The following DOCK3 variants were observed in gnomAD, a reference collection of about 807,000 sequenced individuals.
DOCK3 encodes the protein dedicator of cytokinesis 3.
A neutral mutation model predicts 265.6 loss-of-function variants in DOCK3; 60 were observed. The ratio of observed to expected loss-of-function variants is 0.23; its 90% confidence interval spans 0.18 to 0.28. The LOEUF (loss-of-function observed/expected upper bound fraction) is 0.28, where lower values mean the gene tolerates loss of function less well. Ranked by LOEUF, DOCK3 falls within the 10% of genes least tolerant of loss-of-function variation. The pLI is 1.00. For synonymous variants in DOCK3, 881 were observed against 938.0 expected (o/e 0.94, Z 1.11); for missense variants, 1,981 against 2,594.3 (o/e 0.76, Z 5.14).
At chr3:51,104,684 G>A (rs1332035512) in intron 9 of DOCK3, among the ~76,000 whole-genome samples, 1 of 152,200 alleles carries the variant, frequency 6.6e-6, no homozygotes, top group African/African-American at 2.4e-5. Context: ...ATTTACTTTA[G>A]TAAACACTTA....
intron 4 of DOCK3, chr3:50,893,178 G>A (rs966567671): frequency 9.5e-6 from 2 of 210,762 alleles, no homozygotes; most frequent in Admixed American, 6.2e-5. Flanking sequence ...AAATGTGCAG[G>A]CCCCAAAGCA....
chr3:51,039,366 T>G (rs1434518545), intron 5 of DOCK3, among the ~76,000 whole-genome samples: 1 of 152,126 alleles, frequency 6.6e-6, no homozygotes, highest in African/African-American at 2.4e-5. Context: ...ATAAACATCC[T>G]TATAAATAAA....
At chr3:51,186,450 C>T (rs2087608803) in intron 12 of DOCK3, among the ~76,000 whole-genome samples, 1 of 152,148 alleles carries the variant, frequency 6.6e-6, no homozygotes, top group Non-Finnish European at 1.5e-5. Flanking sequence ...CGCAGCCTAA[C>T]AATGCAATAG....
intron 3 of DOCK3, among the ~76,000 whole-genome samples, chr3:50,874,934 A>G (rs2047628311): frequency 6.6e-6 from 1 of 152,196 alleles, no homozygotes; most frequent in African/African-American, 2.4e-5. Context: ...GCTGGAAGCC[A>G]TCATTCTTAG....
intron 3 of DOCK3, among the ~76,000 whole-genome samples, chr3:50,879,902 G>A (rs547809702): frequency 1.3e-5 from 2 of 152,252 alleles, no homozygotes; most frequent in Middle Eastern, 3.4e-3. Context: ...CTCAGCAAAT[G>A]TAAAAGAATA....
chr3:50,889,739 G>A (rs573620541), intron 3 of DOCK3, among the ~76,000 whole-genome samples: 4 of 151,992 alleles, frequency 2.6e-5, no homozygotes, highest in Non-Finnish European at 5.9e-5. Flanking sequence ...AGAGTGAATT[G>A]ATGGACCATC....
intron 27 of DOCK3, 135 bp downstream of exon 27, chr3:51,280,339 C>A: frequency 1.2e-6 from 1 of 824,842 alleles, no homozygotes; most frequent in Non-Finnish European, 1.9e-6. Context: ...CCCTGCTTTA[C>A]AGCTGAGTGT....
intron 5 of DOCK3, among the ~76,000 whole-genome samples, chr3:50,982,054 G>T (rs1426691931): frequency 1.3e-5 from 2 of 151,966 alleles, no homozygotes; most frequent in Non-Finnish European, 2.9e-5. Flanking sequence ...TCACTGTGTT[G>T]GCCAGGCTGA....
At chr3:50,676,770 T>A (rs1364293841) in intron 1 of DOCK3, among the ~76,000 whole-genome samples, 1 of 152,062 alleles carries the variant, frequency 6.6e-6, no homozygotes, top group Non-Finnish European at 1.5e-5. Flanking sequence ...GAATTCAGAG[T>A]CCTAGCTTCT....
intron 1 of DOCK3, among the ~76,000 whole-genome samples, chr3:50,767,899 C>T (rs1385414426): frequency 1.6e-5 from 1 of 61,048 alleles, no homozygotes; most frequent in Non-Finnish European, 3.1e-5. Flanking sequence ...TGGGAGTTCA[C>T]TCATGATTTG....
intron 27 of DOCK3, among the ~76,000 whole-genome samples, chr3:51,287,669 C>T (rs533060535): frequency 1.2e-4 from 18 of 152,238 alleles, no homozygotes; most frequent in Non-Finnish European, 1.6e-4. Flanking sequence ...GAAGAGGGAA[C>T]ACTTATACAC....
chr3:51,357,247 A>G, intron 44 of DOCK3, 106 bp downstream of exon 44: 1 of 1,280,444 alleles, frequency 7.8e-7, no homozygotes, highest in East Asian at 2.4e-5. Flanking sequence ...CCTTCCCTAC[A>G]TGCCCTCTCT....
chr3:50,881,574 C>T (rs541624854), intron 3 of DOCK3, among the ~76,000 whole-genome samples: 1 of 152,266 alleles, frequency 6.6e-6, no homozygotes, highest in Admixed American at 6.5e-5. Flanking sequence ...TGAAGGACCT[C>T]TTCAAGGATA....
chr3:50,803,582 G>A (rs1024157084), intron 2 of DOCK3, among the ~76,000 whole-genome samples: 3 of 150,620 alleles, frequency 2.0e-5, no homozygotes, highest in African/African-American at 4.9e-5. Flanking sequence ...TCAATGAGCT[G>A]CTGGGTACAC....
chr3:51,274,930 C>G, intron 24 of DOCK3, 149 bp from the exon 25 acceptor site: 1 of 847,130 alleles, frequency 1.2e-6, no homozygotes, highest in Non-Finnish European at 1.9e-6. Context: ...AGCTTTCAGG[C>G]CCTTGTAAGG....
At chr3:50,729,803 A>G (rs1366022184) in intron 1 of DOCK3, among the ~76,000 whole-genome samples, 2 of 149,274 alleles carry the variant, frequency 1.3e-5, no homozygotes, top group East Asian at 3.9e-4. Flanking sequence ...GGTGTGAGTC[A>G]CTGTGCCTGC....
intron 22 of DOCK3, among the ~76,000 whole-genome samples, chr3:51,248,787 G>A (rs2078975712): frequency 6.6e-6 from 1 of 151,016 alleles, no homozygotes; most frequent in African/African-American, 2.4e-5. Context: ...TAGGAAGTGA[G>A]GAGCGTCTTT....
chr3:50,900,800 A>G, intron 4 of DOCK3: 1 of 424,786 alleles, frequency 2.4e-6, no homozygotes, highest in African/African-American at 2.1e-5. Flanking sequence ...TTGCCTGGGT[A>G]TCACCAGCGG....
At chr3:50,970,073 A>AAAAAG (rs143144467) in intron 5 of DOCK3, among the ~76,000 whole-genome samples, 6,803 of 151,740 alleles carry the variant, frequency 0.045, 206 homozygotes, top group Non-Finnish European at 0.07. Context: ...CTCCATCTTA[A>AAAAAG]AAAAGAAAAG....
Sources: allele counts gnomAD v4.1 joint callset (sites outside exome capture counted in the v4.1 genomes callset), GRCh38; gene constraint gnomAD v4.1.1; transcripts MANE v1.5; gene names NCBI Gene and HGNC (gene_info 2026-07-23, HGNC 2026-07-21).